PCDHA5: variants seen among roughly 807,000 people sequenced by gnomAD.
PCDHA5 encodes protocadherin alpha 5.
In PCDHA5, 43 loss-of-function variants were observed where a neutral mutation model predicts 61.6. The ratio of observed to expected loss-of-function variants is 0.70; its 90% CI spans 0.55 to 0.90. The LOEUF (loss-of-function observed/expected upper bound fraction) is 0.90, where lower values mean the gene tolerates loss of function less well. PCDHA5 is among the 40% of genes least tolerant of loss of function. The pLI is 0.00. For missense variants in PCDHA5, 1,298 were observed against 1,222.7 expected, an observed-to-expected ratio of 1.06 and a Z score of -0.92; for synonymous variants, 627 against 543.9, an observed-to-expected ratio of 1.15 and a Z score of -2.13.
chr5:140,877,308 A>C lies in PCDHA5; in HGVS notation c.2352+53181A>C, dbSNP rs2057012120. ...ACGCTTGGCTGTCCTACGAGTTGCAACCGGCGGCGGTCGGCGCGCACATCC... is the reference window on the plus strand; with the variant it reads ...ACGCTTGGCTGTCCTACGAGTTGCACCCGGCGGCGGTCGGCGCGCACATCC... On this transcript the variant is annotated intron_variant, in intron 1 of 3. Coordinates refer to ENST00000529859, the MANE Select transcript of PCDHA5 (RefSeq NM_018908.3). The C allele has an allele frequency of 1.9e-6, 3 of 1,613,898 alleles. No individual in the cohort carries two copies. In the East Asian group the frequency reaches 6.7e-5, roughly 36 times the overall value.
chr5:140,978,688 G>A (rs1258023605), intron 1 of PCDHA5, among the ~76,000 whole-genome samples: 2 of 152,238 alleles, frequency 1.3e-5, no homozygotes, highest in African/African-American at 4.8e-5. Context: ...TATTGGGCAA[G>A]GCAAAGCCAA....
In PCDHA5 at chr5:140,959,634, A is replaced by G. The variant is rs78629455; in HGVS notation, c.2353-19315A>G. ...TGCTTGTGATAGAAAAAAAGAGAGA[A>G]AAAACACAGAAGCAAAATTGAAGAA... On this transcript the variant is annotated intron_variant, in intron 1 of 3. Transcript: ENST00000529859. Among the ~76,000 whole-genome samples, 1,434 of 152,320 alleles carry G rather than the reference A, an allele frequency of 9.4e-3. 14 individuals carry two copies. The highest frequency in any genetic ancestry group is 0.021 in the Admixed American group (316 of 15,292).
At chr5:140,902,206 T>TC (rs2069239214) in intron 1 of PCDHA5, among the ~76,000 whole-genome samples, 1 of 145,724 alleles carries the variant, frequency 6.9e-6, no homozygotes, top group South Asian at 2.1e-4. Flanking sequence ...TCTCTTTCTT[T>TC]TTTTTTTTTT....
At chr5:140,869,601 T>C (rs1581902552) in intron 1 of PCDHA5, 1 of 1,613,936 alleles carries the variant, frequency 6.2e-7, no homozygotes, top group East Asian at 2.2e-5. Context: ...AAGAGAATGC[T>C]CTATTGACCT....
At chr5:140,929,250 G>A (rs995042103) in intron 1 of PCDHA5, 2 of 1,613,420 alleles carry the variant, frequency 1.2e-6, no homozygotes, top group Admixed American at 1.7e-5. Flanking sequence ...TTGCCACTGG[G>A]GTAGGACTGA....
At chr5:140,841,877 A>G (rs2150324611) in intron 1 of PCDHA5, 1 of 1,613,820 alleles carries the variant, frequency 6.2e-7, no homozygotes. Flanking sequence ...GAATTCAAAG[A>G]ACGATGAGAA....
At chr5:140,899,443 G>A (rs1554188558) in intron 1 of PCDHA5, among the ~76,000 whole-genome samples, 4 of 152,210 alleles carry the variant, frequency 2.6e-5, no homozygotes, top group African/African-American at 9.7e-5. Context: ...CATCTATTGA[G>A]ATAATCATGT....
rs529251467 is a variant in PCDHA5 at position 140,953,424 on chromosome 5, T to C, written c.2353-25525T>C. The stretch of plus-strand genomic sequence containing the variant: ...TGTTGCTCCTGGCTCCTCCCCTTTG[T>C]CCTTAAGCTGGAGAAACTAGGGATT... On this transcript the variant is annotated intron_variant, in intron 1 of 3. Transcript: ENST00000529859. 2.6e-5 allele frequency among the ~76,000 whole-genome samples: 4 copies of C among 152,230 alleles called. No individual in the cohort carries two copies. In the East Asian group the frequency reaches 7.7e-4, roughly 29 times the overall value.
chr5:140,975,380 G>A (rs1554236775), intron 1 of PCDHA5, among the ~76,000 whole-genome samples: 2 of 152,220 alleles, frequency 1.3e-5, no homozygotes, highest in African/African-American at 4.8e-5. Flanking sequence ...GTAATCATGG[G>A]AATAAGATCC....
rs970673093 is a variant in PCDHA5 at position 140,822,726 on chromosome 5, T to C, written c.951T>C (p.Ile317=). ...LDYEDYNSYE[I]NIDAMDKSTF... ...ATGAAGACTATAACTCATATGAAAT[T>C]AATATTGATGCCATGGATAAAAGTA... is the stretch of plus-strand genomic sequence containing the variant. The change falls in exon 1 of 4, where the codon ATT becomes ATC. Residue 317 remains isoleucine (I), a synonymous_variant. Coordinates refer to ENST00000529859, the MANE Select transcript of PCDHA5 (RefSeq NM_018908.3). 66 of 1,612,616 alleles carry C rather than the reference T, an allele frequency of 4.1e-5. No homozygotes were observed. The highest frequency in any genetic ancestry group is 5.4e-5 in the Non-Finnish European group (64 of 1,178,646).
intron 1 of PCDHA5, chr5:140,876,837 C>T (rs782753877): frequency 1.9e-6 from 3 of 1,614,148 alleles, no homozygotes; most frequent in Admixed American, 3.3e-5. Context: ...CGCCTGCGTT[C>T]GCGCAGCCCG....
intron 3 of PCDHA5, among the ~76,000 whole-genome samples, chr5:141,007,512 G>C (rs2098333445): frequency 6.6e-6 from 1 of 152,040 alleles, no homozygotes; most frequent in Admixed American, 6.6e-5. Context: ...AGACTGCAGT[G>C]AGCTGATATC....
intron 1 of PCDHA5, among the ~76,000 whole-genome samples, chr5:140,847,109 G>T (rs1267875417): frequency 6.7e-6 from 1 of 149,752 alleles, no homozygotes; most frequent in Admixed American, 6.7e-5. Context: ...CACACAGTCT[G>T]CAGAGAATGA....
At position 140,854,896 on chromosome 5, in the gene PCDHA5, G is replaced by A. The variant is rs181663374; in HGVS notation, c.2352+30769G>A. Among the ~76,000 whole-genome samples, 38 of 149,756 alleles carry A rather than the reference G, an allele frequency of 2.5e-4. 1 individual carries two copies. Among genetic ancestry groups the A allele is most frequent in the African/African-American group, 4.6e-4 (19 of 40,968 alleles). On this transcript the variant is annotated intron_variant, in intron 1 of 3. Coordinates refer to ENST00000529859, the MANE Select transcript of PCDHA5 (RefSeq NM_018908.3). ...TGTGTCTTTTGGGCATTTGAAAAGC[G>A]TAAATATAACAGGGTTGAAAGCATT...
At chr5:140,904,116 T>C (rs1233566335) in intron 1 of PCDHA5, among the ~76,000 whole-genome samples, 3 of 152,180 alleles carry the variant, frequency 2.0e-5, no homozygotes, top group African/African-American at 7.2e-5. Context: ...TTGCTGAGAT[T>C]TTGGTGCACC....
chr5:140,870,507 A>G (rs782584168), intron 1 of PCDHA5: 3 of 1,614,128 alleles, frequency 1.9e-6, no homozygotes, highest in African/African-American at 1.3e-5. Context: ...AGAACAACCC[A>G]CCAGGCTGCC....
At chr5:140,848,599 T>C (rs2150414040) in intron 1 of PCDHA5, 1 of 1,593,694 alleles carries the variant, frequency 6.3e-7, no homozygotes, top group Non-Finnish European at 8.6e-7. Context: ...CACTACTCCG[T>C]CCCGGAGGAA....
chr5:140,842,998 T>G (rs2150349585), intron 1 of PCDHA5: 5 of 1,594,952 alleles, frequency 3.1e-6, no homozygotes, highest in Non-Finnish European at 4.3e-6. Flanking sequence ...TGGACGAGAA[T>G]GACAACGCGC....
chr5:140,982,633 A>G (rs2096992474), intron 3 of PCDHA5, 70 bp downstream of exon 3: 1 of 1,557,590 alleles, frequency 6.4e-7, no homozygotes, highest in Non-Finnish European at 8.7e-7. Flanking sequence ...CTTTTGTAAG[A>G]TCAGGAATGT....
Sources: gnomAD v4.1 joint callset for allele counts (sites outside exome capture counted in the v4.1 genomes callset) on GRCh38, gnomAD v4.1.1 for gene constraint, MANE v1.5 for transcripts, NCBI Gene and HGNC (gene_info 2026-07-23, HGNC 2026-07-21) for gene names.